The following PSMA2 variants were observed in gnomAD, a reference collection of about 807,000 sequenced individuals.
The protein encoded by PSMA2 is proteasome 20S subunit alpha 2, also known as proteasome subunit alpha type-2.
In PSMA2, 2 loss-of-function variants were observed where a neutral mutation model predicts 35.9. The ratio of observed to expected loss-of-function variants is 0.06; its 90% CI spans 0.02 to 0.18. The LOEUF (loss-of-function observed/expected upper bound fraction) is 0.18. Ranked by LOEUF, PSMA2 falls within the 10% of genes least tolerant of loss-of-function variation. The pLI is 1.00. For missense variants in PSMA2, 126 were observed against 278.8 expected (o/e 0.45, Z 3.90); for synonymous variants, 97 against 98.2 (o/e 0.99, Z 0.07).
At chr7:42,928,156 G>A (rs1239890591) in intron 1 of PSMA2, among the ~76,000 whole-genome samples, 1 of 152,108 alleles carries the variant, frequency 6.6e-6, no homozygotes, top group Non-Finnish European at 1.5e-5. Flanking sequence ...ACTTGAATAC[G>A]CCCTCACTTG....
chr7:42,922,633 T>C (rs989360987), intron 5 of PSMA2, among the ~76,000 whole-genome samples: 3 of 152,186 alleles, frequency 2.0e-5, no homozygotes, highest in Admixed American at 6.5e-5. Context: ...TACTTATTTT[T>C]CTGATTTAAT....
In PSMA2 at chr7:42,917,650, A is replaced by C. The variant is rs1246001208; in HGVS notation, c.629T>G (p.Val210Gly). Residue 210 changes from valine to glycine, a missense_variant, in exon 8 of 8, where the codon GTT (valine) becomes GGT (glycine). By Grantham distance (109) the Val-to-Gly change is moderately radical. This residue lies in a region of PSMA2 where 42 missense variants were observed against 83.6 expected (regional missense o/e 0.50). Transcript: ENST00000223321. Reference sequence around the variant, plus strand: ...AAATCCAGCTTCATTGCAGATTCCAACTTCTATGTTATCCTCTGTCATTTG... The same window carrying C: ...AAATCCAGCTTCATTGCAGATTCCACCTTCTATGTTATCCTCTGTCATTTG... ...EGQMTEDNIE[V>G]GICNEAGFRR... 1 of 1,613,816 alleles carries C rather than the reference A, an allele frequency of 6.2e-7. No individual in the cohort carries two copies. Among genetic ancestry groups the C allele is most frequent in the Non-Finnish European group, 8.5e-7 (1 of 1,179,938 alleles).
intron 6 of PSMA2, 77 bp from the exon 7 acceptor site, chr7:42,917,912 CG>C (rs1786059079): frequency 4.7e-6 from 5 of 1,074,338 alleles, no homozygotes; most frequent in East Asian, 2.7e-5. Context: ...ACAGCAACAA[CG>C]TAAGTTTTTA....
chr7:42,927,515 G>A (rs1213019154), intron 1 of PSMA2, 56 bp from the exon 2 acceptor site: 3 of 1,513,808 alleles, frequency 2.0e-6, no homozygotes, highest in Non-Finnish European at 2.8e-6. Context: ...TTTATTGTAA[G>A]AACATCTCTG....
At chr7:42,920,081 T>C in intron 6 of PSMA2, 1 of 584,122 alleles carries the variant, frequency 1.7e-6, no homozygotes, top group Non-Finnish European at 3.2e-6. Flanking sequence ...ACTCCTCAAG[T>C]TAAGGCCTGA....
chr7:42,927,555 ATTTAT>A, intron 1 of PSMA2, 96 bp from the exon 2 acceptor site: 4 of 1,214,034 alleles, frequency 3.3e-6, no homozygotes, highest in Non-Finnish European at 4.8e-6. Flanking sequence ...GTCAAATCCA[ATTTAT>A]CCAACTCCAG....
intron 1 of PSMA2, among the ~76,000 whole-genome samples, chr7:42,927,677 G>T (rs569038707): frequency 6.6e-6 from 1 of 152,146 alleles, no homozygotes; most frequent in Non-Finnish European, 1.5e-5. Flanking sequence ...AGGCCAAGAC[G>T]GGTGGATCAC....
At chr7:42,925,438 TA>T (rs1236902003) in intron 3 of PSMA2, among the ~76,000 whole-genome samples, 6 of 152,182 alleles carry the variant, frequency 3.9e-5, no homozygotes, top group African/African-American at 1.2e-4. Flanking sequence ...AGGAGGGAGA[TA>T]GAGTACATAA....
intron 1 of PSMA2, 116 bp from the exon 2 acceptor site, chr7:42,927,575 T>C: frequency 1.0e-6 from 1 of 972,682 alleles, no homozygotes; most frequent in Non-Finnish European, 1.6e-6. Flanking sequence ...CTCCAGGGAG[T>C]AACTGGCCTT....
At chr7:42,926,760 T>C in intron 2 of PSMA2, 92 bp from the exon 3 acceptor site, 2 of 1,297,034 alleles carry the variant, frequency 1.5e-6, no homozygotes, top group Non-Finnish European at 2.0e-6. Flanking sequence ...CGCAAACTCC[T>C]TTATTTCCTT....
At chr7:42,923,600 T>C (rs1786159906) in intron 4 of PSMA2, among the ~76,000 whole-genome samples, 194 bp from the exon 5 acceptor site, 1 of 152,240 alleles carries the variant, frequency 6.6e-6, no homozygotes, top group African/African-American at 2.4e-5. Context: ...TGAGGAATGG[T>C]AGCCAAATAA....
intron 6 of PSMA2, chr7:42,918,379 CATT>C (rs1786067022): frequency 6.6e-6 from 1 of 152,122 alleles, no homozygotes; most frequent in Non-Finnish European, 1.5e-5. Flanking sequence ...GATGTGGTGG[CATT>C]ATTATAATTT....
intron 1 of PSMA2, among the ~76,000 whole-genome samples, chr7:42,928,155 C>T (rs553689025): frequency 1.3e-5 from 2 of 152,154 alleles, no homozygotes; most frequent in African/African-American, 2.4e-5. Context: ...GACTTGAATA[C>T]GCCCTCACTT....
intron 1 of PSMA2, among the ~76,000 whole-genome samples, chr7:42,929,769 C>T (rs762449311): frequency 6.6e-6 from 1 of 152,214 alleles, no homozygotes; most frequent in Non-Finnish European, 1.5e-5. Context: ...CCCACATTAT[C>T]TCCTTGCTCA....
At chr7:42,929,327 A>T (rs539470259) in intron 1 of PSMA2, among the ~76,000 whole-genome samples, 1 of 152,318 alleles carries the variant, frequency 6.6e-6, no homozygotes, top group African/African-American at 2.4e-5. Flanking sequence ...CAATAATCAT[A>T]TCATAACTTT....
In PSMA2 at chr7:42,924,762, T is replaced by C; in HGVS notation, c.287A>G (p.Gln96Arg). ...LVHRARKLAQ[Q>R]YYLVYQEPIP... ...GGGTTCTTGGTACACAAGATAGTAT[T>C]GTTGAGCTAGTTTTCGAGCTCTGTG... is the stretch of plus-strand genomic sequence containing the variant. The change falls in exon 4 of 8, where the codon CAA becomes CGA. Residue 96 changes from glutamine (Q) to arginine (R), a missense_variant. Gln to Arg is a conservative substitution (Grantham distance 43). Transcript: ENST00000223321. 1 of 1,612,762 alleles carries C rather than the reference T, an allele frequency of 6.2e-7. No individual in the cohort carries two copies. Among genetic ancestry groups the C allele is most frequent in the Non-Finnish European group, 8.5e-7 (1 of 1,179,150 alleles).
At chr7:42,931,489 T>A (rs1392300282) in intron 1 of PSMA2, among the ~76,000 whole-genome samples, 1 of 150,470 alleles carries the variant, frequency 6.6e-6, no homozygotes, top group Non-Finnish European at 1.5e-5. Context: ...TCCCCGACGT[T>A]CCCCCCAGTC....
At position 42,917,398 on chromosome 7, in the gene PSMA2, A is replaced by G. The variant is rs1224724892; in HGVS notation, c.*176T>C. 1.9e-5 allele frequency: 10 copies of G among 521,766 alleles called. No homozygotes were observed. Among genetic ancestry groups the G allele is most frequent in the Non-Finnish European group, 3.4e-5 (10 of 296,518 alleles). The allele number at this position is 521,766 out of a possible 1,614,324, so 32.3% of individuals were successfully genotyped here. A position where few individuals can be genotyped will look rare whatever the true frequency, so the allele number is the denominator to read the frequency against. On this transcript the variant is annotated 3_prime_UTR_variant, in exon 8 of 8. Transcript: ENST00000223321. ...AACTGTTAAAATTTTAGCAACTCCT[A>G]AAAGGCTGGAAGGTGGGTTTAACAG...
At chr7:42,924,504 TTAAA>T (rs1015393864) in intron 4 of PSMA2, among the ~76,000 whole-genome samples, 167 bp downstream of exon 4, 1 of 152,154 alleles carries the variant, frequency 6.6e-6, no homozygotes, top group African/African-American at 2.4e-5. Context: ...ATTTTTTTCC[TTAAA>T]TAAATACTCC....
Sources: gnomAD v4.1 joint callset for allele counts (sites outside exome capture counted in the v4.1 genomes callset) on GRCh38, gnomAD v4.1.1 for gene constraint, gnomAD v4.1.1 regional missense constraint, MANE v1.5 for transcripts, NCBI Gene and HGNC (gene_info 2026-07-23, HGNC 2026-07-21) for gene names.